Variants in SIMC1 observed in about 807,000 individuals in gnomAD.
The protein encoded by SIMC1 is SUMO interacting motifs containing 1, also known as SUMO-interacting motif-containing protein 1.
SIMC1 carries 55 observed loss-of-function variants against 82.3 expected under a neutral mutation model. That is an observed-to-expected ratio of 0.67 (90% CI 0.54 to 0.84). The LOEUF (loss-of-function observed/expected upper bound fraction) is 0.84, where lower values mean the gene tolerates loss of function less well. Ranked by LOEUF, SIMC1 falls within the 40% of genes least tolerant of loss-of-function variation. The probability of loss-of-function intolerance (pLI) is 0.00; values close to 1 mark genes in which losing one functional copy is unlikely to be tolerated. For missense variants in SIMC1, 915 were observed against 1,107.2 expected, an observed-to-expected ratio of 0.83 and a Z score of 2.46; for synonymous variants, 353 against 426.3, an observed-to-expected ratio of 0.83 and a Z score of 2.12.
At chr5:176,280,958 C>T (rs537503837) in intron 1 of SIMC1, among the ~76,000 whole-genome samples, 79 of 152,238 alleles carry the variant, frequency 5.2e-4, no homozygotes, top group African/African-American at 1.8e-3. Flanking sequence ...TCTGTATTTC[C>T]TGAATCTGAA....
intron 4 of SIMC1, chr5:176,313,235 T>C (rs1581298990): frequency 1.5e-6 from 2 of 1,343,790 alleles, no homozygotes; most frequent in East Asian, 2.8e-5. Flanking sequence ...CAGGAGTCAT[T>C]AAAGAACCAG....
At chr5:176,340,054 G>C (rs765762349) in intron 9 of SIMC1, among the ~76,000 whole-genome samples, 2 of 152,230 alleles carry the variant, frequency 1.3e-5, no homozygotes, top group African/African-American at 4.8e-5. Context: ...GAAGGGATTA[G>C]AGAGCCCAAG....
intron 4 of SIMC1, chr5:176,313,117 T>C (rs1038102837): frequency 2.7e-5 from 7 of 261,486 alleles, no homozygotes; most frequent in African/African-American, 1.3e-4. Context: ...CAACTCAGGC[T>C]TGGCCCAACA....
chr5:176,252,045 A>G (rs1054172432), intron 1 of SIMC1, among the ~76,000 whole-genome samples: 16 of 152,202 alleles, frequency 1.1e-4, no homozygotes, highest in African/African-American at 3.6e-4. Context: ...CCCGCTTTCT[A>G]TTCCACAAAA....
intron 7 of SIMC1, among the ~76,000 whole-genome samples, chr5:176,334,191 T>A (rs1360359292): frequency 6.6e-6 from 1 of 152,222 alleles, no homozygotes; most frequent in East Asian, 1.9e-4. Context: ...CTGCTTTTTT[T>A]ACTTGTCTGG....
intron 4 of SIMC1, among the ~76,000 whole-genome samples, chr5:176,310,801 A>G (rs1454545791): frequency 1.3e-5 from 2 of 152,234 alleles, no homozygotes; most frequent in African/African-American, 4.8e-5. Context: ...CTGAAGTTGT[A>G]TGGACCTACA....
At chr5:176,268,367 C>T (rs1166421123) in intron 1 of SIMC1, among the ~76,000 whole-genome samples, 51 of 108,166 alleles carry the variant, frequency 4.7e-4, no homozygotes, top group African/African-American at 1.9e-3. Flanking sequence ...GATTGTCAGA[C>T]TGGACCAAAA....
intron 2 of SIMC1, among the ~76,000 whole-genome samples, chr5:176,293,176 G>A (rs752791154): frequency 5.3e-5 from 8 of 152,222 alleles, no homozygotes; most frequent in South Asian, 2.1e-4. Context: ...AGTGGCTCAC[G>A]CCTGTAACCC....
chr5:176,304,883 G>C (rs1344972614), intron 4 of SIMC1, among the ~76,000 whole-genome samples: 1 of 147,252 alleles, frequency 6.8e-6, no homozygotes, highest in African/African-American at 2.5e-5. Flanking sequence ...CCGAGACCCC[G>C]TCTGGGAGGT....
intron 1 of SIMC1, among the ~76,000 whole-genome samples, chr5:176,287,351 T>C (rs1406899921): frequency 6.6e-6 from 1 of 152,074 alleles, no homozygotes; most frequent in East Asian, 1.9e-4. Flanking sequence ...AAGCTGGAAA[T>C]CATCATTCTC....
At chr5:176,257,567 T>G (rs2113136893) in intron 1 of SIMC1, among the ~76,000 whole-genome samples, 1 of 152,276 alleles carries the variant, frequency 6.6e-6, no homozygotes, top group East Asian at 1.9e-4. Flanking sequence ...AGCTCATTAT[T>G]GTGAAGACAG....
intron 1 of SIMC1, among the ~76,000 whole-genome samples, chr5:176,267,732 T>TG (rs1762253295): frequency 5.9e-5 from 3 of 50,856 alleles, no homozygotes; most frequent in East Asian, 1.1e-3. Flanking sequence ...CTTTTCTTTC[T>TG]GTTTTTTTTT....
At chr5:176,271,924 TATTATAA>T (rs1561682117) in intron 1 of SIMC1, among the ~76,000 whole-genome samples, 1 of 121,816 alleles carries the variant, frequency 8.2e-6, no homozygotes, top group Admixed American at 7.7e-5. Context: ...TTGTATATTA[TATTATAA>T]TATATACTAT....
At chr5:176,291,364 T>G in intron 2 of SIMC1, among the ~76,000 whole-genome samples, 1 of 131,138 alleles carries the variant, frequency 7.6e-6, no homozygotes, top group African/African-American at 3.0e-5. Context: ...TGAGATGGAG[T>G]CTCGCTCTGT....
chr5:176,262,615 G>T (rs1394052351), intron 1 of SIMC1, among the ~76,000 whole-genome samples: 2 of 152,208 alleles, frequency 1.3e-5, no homozygotes, highest in South Asian at 2.1e-4. Flanking sequence ...GACCAGCCTG[G>T]CCAGTGTGGT....
chr5:176,282,581 C>T (rs1201368260), intron 1 of SIMC1, among the ~76,000 whole-genome samples: 1 of 150,448 alleles, frequency 6.6e-6, no homozygotes, highest in Non-Finnish European at 1.5e-5. Flanking sequence ...TTGGCTCCTC[C>T]CCCCGAAAAG....
At chr5:176,320,535 A>C (rs1205322297) in intron 5 of SIMC1, among the ~76,000 whole-genome samples, 1 of 151,716 alleles carries the variant, frequency 6.6e-6, no homozygotes, top group Non-Finnish European at 1.5e-5. Context: ...CGCCCTGCTA[A>C]TTTTTAGTAT....
chr5:176,280,095 A>T (rs1000737127), intron 1 of SIMC1, among the ~76,000 whole-genome samples: 3 of 151,842 alleles, frequency 2.0e-5, no homozygotes, highest in Non-Finnish European at 4.4e-5. Flanking sequence ...CCCATTATTA[A>T]TGTGTGGGAG....
At chr5:176,325,837 A>G (rs900475983) in intron 7 of SIMC1, among the ~76,000 whole-genome samples, 54 of 152,154 alleles carry the variant, frequency 3.5e-4, no homozygotes, top group African/African-American at 1.1e-3. Context: ...AAATAGATAT[A>G]TCCAATATTA....
Sources: gnomAD v4.1 joint callset for allele counts (sites outside exome capture counted in the v4.1 genomes callset) on GRCh38, gnomAD v4.1.1 for gene constraint, MANE v1.5 for transcripts, NCBI Gene and HGNC (gene_info 2026-07-23, HGNC 2026-07-21) for gene names.